RBFA: variants seen among roughly 807,000 people sequenced by gnomAD.
RBFA encodes the protein putative ribosome-binding factor A, mitochondrial.
A neutral mutation model predicts 27.9 loss-of-function variants in RBFA; 16 were observed. The observed-to-expected ratio is 0.57, with a 90% CI of 0.39 to 0.87. RBFA has a LOEUF of 0.87. Among genes scored for constraint, RBFA ranks in the 40% least tolerant of loss-of-function variants. The probability of loss-of-function intolerance (pLI) is 0.00; values close to 1 mark genes in which losing one functional copy is unlikely to be tolerated. For missense variants in RBFA, 456 were observed against 432.1 expected (o/e 1.06, Z -0.49); for synonymous variants, 181 against 181.0 (o/e 1.00, Z 0.00).
chr18:80,038,657 C>A (rs758322805), intron 4 of RBFA, 40 bp downstream of exon 4: 1 of 1,439,016 alleles, frequency 6.9e-7, no homozygotes, highest in East Asian at 2.3e-5. Context: ...GCTTTTTGCT[C>A]ATACCCTAAA....
chr18:80,038,554 C>T lies in RBFA; in HGVS notation c.428C>T (p.Thr143Met), dbSNP rs763528780. ...FSACRAYWKTTLSAEQNAHME... is the reference protein window; with the variant it reads ...FSACRAYWKTMLSAEQNAHME... The stretch of plus-strand genomic sequence containing the variant: ...GCCTGCCGAGCGTACTGGAAGACAA[C>T]GCTCTCTGCTGAGCAGAACGCACAC... Residue 143 changes from threonine to methionine, a missense_variant, in exon 4 of 7, where the codon ACG (threonine) becomes ATG (methionine). Physicochemically the swap from Thr to Met is moderately conservative, Grantham distance 81. Coordinates refer to ENST00000306735, the MANE Select transcript of RBFA (RefSeq NM_024805.3). 27 of 1,613,914 alleles carry T rather than the reference C, an allele frequency of 1.7e-5. No homozygotes were observed. The highest frequency in any genetic ancestry group is 6.7e-5 in the Admixed American group (4 of 60,000).
chr18:80,038,180 G>A (rs2051993481), intron 3 of RBFA, among the ~76,000 whole-genome samples: 1 of 152,232 alleles, frequency 6.6e-6, no homozygotes, highest in African/African-American at 2.4e-5. Context: ...GTTGTAAGGA[G>A]AAAAGGCAGC....
rs1208045024 is a variant in RBFA at position 80,045,783 on chromosome 18, T to G, written c.660T>G (p.Asp220Glu). The change falls in exon 7 of 7, where the codon GAT becomes GAG. Residue 220 changes from aspartate (D) to glutamate (E), a missense_variant. Physicochemically the swap from Asp to Glu is conservative, Grantham distance 45. Transcript: ENST00000306735. ...TCTTCTTCCTTCCCAGGGACCCTGA[T>G]GCCCCACAACCCTGCGGCACCACAG... The part of the protein sequence containing the change: ...NFVQNDFRDP[D>E]APQPCGTTEP... The G allele has an allele frequency of 2.6e-6, 4 of 1,512,078 alleles. No homozygotes were observed. In the African/African-American group the frequency reaches 5.6e-5, roughly 21 times the overall value. The allele number at this position is 1,512,078 out of a possible 1,614,324, so 93.7% of individuals were successfully genotyped here.
At chr18:80,037,935 G>A (rs996568342) in intron 3 of RBFA, among the ~76,000 whole-genome samples, 1 of 152,188 alleles carries the variant, frequency 6.6e-6, no homozygotes, top group African/African-American at 2.4e-5. Context: ...TTAGTTCTGG[G>A]TTGCAGAAAT....
intron 4 of RBFA, among the ~76,000 whole-genome samples, chr18:80,039,913 T>C (rs72972263): frequency 0.24 from 36,268 of 152,056 alleles, 5,643 homozygotes; most frequent in Non-Finnish European, 0.35. Flanking sequence ...CAACTATTTA[T>C]ATGTTTATTT....
chr18:80,036,674 G>A lies in RBFA; in HGVS notation c.165G>A (p.Lys55=). The A allele has an allele frequency of 6.2e-7, 1 of 1,611,850 alleles. No homozygotes were observed. The highest frequency in any genetic ancestry group is 8.5e-7 in the Non-Finnish European group (1 of 1,178,648). ...GCTTATTTTCTCCCCAAAGAAAAAA[G>A]GTTTGGTATGAAAGTCCTTCCTTGG... ...LKKFASKTKK[K]VWYESPSLGS... Residue 55 remains lysine, a synonymous_variant, in exon 2 of 7, where the codon AAG becomes AAA. Transcript: ENST00000306735.
intron 4 of RBFA, among the ~76,000 whole-genome samples, chr18:80,039,453 CTG>C (rs1286143745): frequency 3.3e-5 from 5 of 152,212 alleles, no homozygotes; most frequent in African/African-American, 4.8e-5. Context: ...CACCTGCTGT[CTG>C]GAGAATGCTG....
At position 80,046,347 on chromosome 18, in the gene RBFA, T is replaced by C. The variant is rs2052054363; in HGVS notation, c.*192T>C. On this transcript the variant is annotated 3_prime_UTR_variant, in exon 7 of 7. Transcript: ENST00000306735. ...TGTTTTTTTTTCCATGCACTGTGTG[T>C]AATTTAAAAATTAAATGGCCATCTT... 3.2e-6 allele frequency: 2 copies of C among 628,512 alleles called. No homozygotes were observed. The highest frequency in any genetic ancestry group is 5.8e-5 in the East Asian group (2 of 34,588). The allele number at this position is 628,512 out of a possible 1,614,324, so 38.9% of individuals were successfully genotyped here.
chr18:80,038,335 A>C (rs2051994388), intron 3 of RBFA, among the ~76,000 whole-genome samples, 170 bp from the exon 4 acceptor site: 1 of 152,050 alleles, frequency 6.6e-6, no homozygotes, highest in Non-Finnish European at 1.5e-5. Flanking sequence ...CTGGGGCCCT[A>C]CTTCACCTGG....
chr18:80,037,536 G>A (rs769573753), intron 3 of RBFA, 30 bp downstream of exon 3: 1 of 1,576,028 alleles, frequency 6.3e-7, no homozygotes, highest in South Asian at 1.1e-5. Flanking sequence ...AGAAGAAATG[G>A]GTTGAGACAG....
At chr18:80,045,331 A>T (rs2052043681) in intron 6 of RBFA, among the ~76,000 whole-genome samples, 1 of 150,248 alleles carries the variant, frequency 6.7e-6, no homozygotes, top group Admixed American at 6.7e-5. Flanking sequence ...GGTTCAGGCG[A>T]TCCTCCTGCC....
intron 4 of RBFA, chr18:80,041,288 A>C (rs1361988657): frequency 1.3e-5 from 2 of 151,940 alleles, no homozygotes; most frequent in African/African-American, 2.4e-5. Context: ...CCTCTTCCCA[A>C]CTCCTGCGGT....
chr18:80,044,137 T>A, intron 5 of RBFA, 75 bp from the exon 6 acceptor site: 1 of 1,182,112 alleles, frequency 8.5e-7, no homozygotes, highest in Non-Finnish European at 1.3e-6. Context: ...ACAATGCTGG[T>A]GTTACGTGGA....
chr18:80,036,901 C>T (rs1006353225), intron 2 of RBFA, among the ~76,000 whole-genome samples, 191 bp downstream of exon 2: 1 of 152,122 alleles, frequency 6.6e-6, no homozygotes, highest in East Asian at 1.9e-4. Flanking sequence ...TTAATGTTTT[C>T]TGGAAAGTCA....
chr18:80,044,133 C>A, intron 5 of RBFA, 79 bp from the exon 6 acceptor site: 1 of 1,154,858 alleles, frequency 8.7e-7, no homozygotes, highest in Non-Finnish European at 1.3e-6. Context: ...GTCAACAATG[C>A]TGGTGTTACG....
Position 80,046,225 on chromosome 18 carries a change from T to A in RBFA, c.*70T>A. ...GCACGCAACGCAGCATGTGGCTTCA[T>A]TGAGGCAGTTGATGGAGTTAAACCA... is the stretch of plus-strand genomic sequence containing the variant. On this transcript the variant is annotated 3_prime_UTR_variant, in exon 7 of 7. Transcript: ENST00000306735. 1 of 1,510,674 alleles carries A rather than the reference T, an allele frequency of 6.6e-7. No individual in the cohort carries two copies. The highest frequency in any genetic ancestry group is 8.9e-7 in the Non-Finnish European group (1 of 1,119,284). 93.6% of individuals were successfully genotyped at this position (1,510,674 alleles called of 1,614,324 possible).
intron 6 of RBFA, 58 bp from the exon 7 acceptor site, chr18:80,045,716 A>G: frequency 2.0e-6 from 3 of 1,482,652 alleles, no homozygotes; most frequent in Non-Finnish European, 2.7e-6. Flanking sequence ...TGTGGCGACG[A>G]CACTGTGGAC....
In RBFA at chr18:80,048,472, C is replaced by A. The variant is rs563389187; in HGVS notation, c.*2317C>A. 6.6e-6 allele frequency among the ~76,000 whole-genome samples: 1 copy of A among 152,286 alleles called. No homozygotes were observed. Among genetic ancestry groups the A allele is most frequent in the African/African-American group, 2.4e-5 (1 of 41,544 alleles). On this transcript the variant is annotated 3_prime_UTR_variant, in exon 7 of 7. Coordinates refer to ENST00000306735, the MANE Select transcript of RBFA (RefSeq NM_024805.3). ...TTATTGTTCTAGCAATTTATTGTTA[C>A]AAAACAGATTGCTGCCATCAATTTG...
rs541156189 is a variant in RBFA, at chr18:80,050,593, C to T, written c.*4438C>T. On this transcript the variant is annotated 3_prime_UTR_variant, in exon 7 of 7. Coordinates refer to ENST00000306735, the MANE Select transcript of RBFA (RefSeq NM_024805.3). ...GCTGCTCTACTGTGGCCTCAAAGAT[C>T]ATAAATGCTGTGGGTGCTGGCAAGA... Among the ~76,000 whole-genome samples, 6 of 152,204 alleles carry T rather than the reference C, an allele frequency of 3.9e-5. No individual in the cohort carries two copies. The highest frequency in any genetic ancestry group is 7.3e-5 in the Non-Finnish European group (5 of 68,044).
Sources: allele counts gnomAD v4.1 joint callset (sites outside exome capture counted in the v4.1 genomes callset), GRCh38; gene constraint gnomAD v4.1.1; transcripts MANE v1.5; gene names NCBI Gene and HGNC (gene_info 2026-07-23, HGNC 2026-07-21).